EBF1: variants seen among roughly 807,000 people sequenced by gnomAD.
The protein encoded by EBF1 is EBF transcription factor 1, also known as transcription factor COE1.
EBF1 carries 10 observed loss-of-function variants against 68.4 expected under a neutral mutation model. The observed-to-expected ratio is 0.15, with a 90% confidence interval of 0.09 to 0.25. EBF1 has a LOEUF of 0.25. EBF1 is among the 10% of genes least tolerant of loss of function. The pLI, the probability that EBF1 is intolerant of heterozygous loss-of-function variation, is 1.00. For missense variants in EBF1, 509 were observed against 794.4 expected (o/e 0.64, Z 4.32); for synonymous variants, 298 against 299.8 (o/e 0.99, Z 0.06).
chr5:158,705,536 A>T (rs1183669085), intron 15 of EBF1, among the ~76,000 whole-genome samples: 1 of 152,190 alleles, frequency 6.6e-6, no homozygotes, highest in Non-Finnish European at 1.5e-5. Flanking sequence ...TACTTTTGGG[A>T]TCTGTAATTG....
chr5:158,837,407 CT>C (rs200123502), intron 7 of EBF1, among the ~76,000 whole-genome samples: 3,247 of 152,304 alleles, frequency 0.021, 120 homozygotes, highest in African/African-American at 0.075. Flanking sequence ...TATTTTATCA[CT>C]TACAAATTAG....
chr5:158,776,141 T>G (rs1477568277), intron 10 of EBF1, among the ~76,000 whole-genome samples: 1 of 152,178 alleles, frequency 6.6e-6, no homozygotes, highest in Non-Finnish European at 1.5e-5. Flanking sequence ...GTAATTTTCC[T>G]TAATTTGTAA....
At position 159,010,244 on chromosome 5, in the gene EBF1, A is replaced by G. The variant is rs371926771; in HGVS notation, c.554+63152T>C. ...GAGATGAGTAGGAGGGTGGACAGAC[A>G]CAGACAGAGGAATGTAGTTTGCAGA... On this transcript the variant is annotated intron_variant, in intron 6 of 15. Transcript: ENST00000313708. 7.9e-5 allele frequency among the ~76,000 whole-genome samples: 12 copies of G among 152,364 alleles called. No individual in the cohort carries two copies. The East Asian group carries it at 1.2e-3, about 15-fold the overall frequency.
intron 6 of EBF1, among the ~76,000 whole-genome samples, chr5:158,858,838 A>G (rs1251253015): frequency 6.6e-6 from 1 of 152,162 alleles, no homozygotes; most frequent in Admixed American, 6.5e-5. Flanking sequence ...GTGTGGAAGT[A>G]GTTGGTTCAC....
intron 6 of EBF1, among the ~76,000 whole-genome samples, chr5:158,905,667 A>G (rs1804427800): frequency 6.6e-6 from 1 of 152,206 alleles, no homozygotes; most frequent in Non-Finnish European, 1.5e-5. Flanking sequence ...CACAGGAGCA[A>G]CATTTGTCTT....
chr5:159,047,963 C>A (rs555931341), intron 6 of EBF1, among the ~76,000 whole-genome samples: 1 of 152,264 alleles, frequency 6.6e-6, no homozygotes, highest in African/African-American at 2.4e-5. Context: ...AGAAGAAAAA[C>A]CTCCAATCAT....
At chr5:158,954,245 A>C (rs974355290) in intron 6 of EBF1, among the ~76,000 whole-genome samples, 1 of 151,658 alleles carries the variant, frequency 6.6e-6, no homozygotes, top group African/African-American at 2.4e-5. Flanking sequence ...CCGCGAAGCT[A>C]AAGAGTCACT....
chr5:158,976,002 C>T (rs1291713722), intron 6 of EBF1, among the ~76,000 whole-genome samples: 1 of 152,154 alleles, frequency 6.6e-6, no homozygotes, highest in African/African-American at 2.4e-5. Context: ...CTGAAATAAC[C>T]TGCCTCCCAG....
intron 6 of EBF1, among the ~76,000 whole-genome samples, chr5:158,957,519 T>C (rs2127524391): frequency 6.6e-6 from 1 of 152,296 alleles, no homozygotes; most frequent in Admixed American, 6.5e-5. Context: ...ATATTAGAAC[T>C]CTCTGAACAT....
intron 10 of EBF1, among the ~76,000 whole-genome samples, chr5:158,769,320 T>C (rs1773420618): frequency 6.6e-6 from 1 of 152,162 alleles, no homozygotes; most frequent in South Asian, 2.1e-4. Flanking sequence ...TTATCACTTA[T>C]TAACTCTGGG....
intron 4 of EBF1, among the ~76,000 whole-genome samples, chr5:159,091,535 T>C (rs1393076998): frequency 6.6e-6 from 1 of 152,192 alleles, no homozygotes; most frequent in Non-Finnish European, 1.5e-5. Context: ...TCCCCAAATA[T>C]ATGAAAGAAA....
chr5:158,844,116 G>A (rs1206994794), intron 6 of EBF1, among the ~76,000 whole-genome samples: 1 of 150,998 alleles, frequency 6.6e-6, no homozygotes, highest in Non-Finnish European at 1.5e-5. Flanking sequence ...TATTGACCCT[G>A]TAGAGTTCCA....
In EBF1 at chr5:159,096,353, G is replaced by C; in HGVS notation, c.345C>G (p.Leu115=). ...NNGIHYRLQL[L]YSNGIRTEQD... ...CGACCCGGGCCTCACCATTGCTGTA[G>C]AGAAGCTGAAGCCGGTAGTGAATTC... Residue 115 remains leucine (L), a synonymous_variant, in exon 3 of 16, where the codon CTC becomes CTG. Coordinates refer to ENST00000313708, the MANE Select transcript of EBF1 (RefSeq NM_024007.5). 6.2e-7 allele frequency: 1 copy of C among 1,613,610 alleles called. No homozygotes were observed. The highest frequency in any genetic ancestry group is 8.5e-7 in the Non-Finnish European group (1 of 1,179,828).
At chr5:158,875,402 C>T (rs2128073426) in intron 6 of EBF1, among the ~76,000 whole-genome samples, 1 of 152,286 alleles carries the variant, frequency 6.6e-6, no homozygotes, top group Admixed American at 6.5e-5. Flanking sequence ...AAACCAGTGT[C>T]ACTTCATGAC....
chr5:158,708,272 C>T lies in EBF1; in HGVS notation c.1550-99G>A, dbSNP rs567602160. 7.4e-4 allele frequency: 926 copies of T among 1,244,132 alleles called. 4 individuals carry two copies. In the African/African-American group the frequency reaches 0.013, roughly 17 times the overall value. 77.1% of individuals were successfully genotyped at this position (1,244,132 alleles called of 1,614,324 possible). A position where few individuals can be genotyped will look rare whatever the true frequency, so the allele number is the denominator to read the frequency against. On this transcript the variant is annotated intron_variant, in intron 14 of 15. Transcript: ENST00000313708. ...CCTCACCCAGCCACCTTGCTCTGCC[C>T]TGCTCAGACGATGCTTCCAGCACAA...
In EBF1 at chr5:158,697,849, A is replaced by C. The variant is rs1219053955; in HGVS notation, c.*1262T>G. On this transcript the variant is annotated 3_prime_UTR_variant, in exon 16 of 16. Transcript: ENST00000313708. ...AAATGCATCCTCAGAGCTTTGCTGC[A>C]TCTTTGCTATTAATTCTTATTTTTA... 7 of 208,642 alleles carry C rather than the reference A, an allele frequency of 3.4e-5. No individual in the cohort carries two copies. The highest frequency in any genetic ancestry group is 4.9e-5 in the Non-Finnish European group (5 of 102,510). 12.9% of individuals were successfully genotyped at this position (208,642 alleles called of 1,614,324 possible).
chr5:158,974,395 C>CA lies in EBF1; in HGVS notation c.554+99000dup, dbSNP rs1756290704. 2.0e-5 allele frequency among the ~76,000 whole-genome samples: 3 copies of CA among 152,172 alleles called. No individual in the cohort carries two copies. The South Asian group carries it at 6.2e-4, about 32-fold the overall frequency. ...CTCAGTTGCCACTTGAGAGGCATTG[C>CA]AAAAATCCTCAACTCTGAACTGTCT... On this transcript the variant is annotated intron_variant, in intron 6 of 15. Coordinates refer to ENST00000313708, the MANE Select transcript of EBF1 (RefSeq NM_024007.5).
intron 8 of EBF1, among the ~76,000 whole-genome samples, chr5:158,804,655 T>C (rs952912481): frequency 3.3e-5 from 5 of 152,274 alleles, no homozygotes; most frequent in Non-Finnish European, 7.4e-5. Flanking sequence ...ACACACAACA[T>C]AGCATTGTTT....
chr5:158,797,899 G>A (rs775554222), intron 8 of EBF1, among the ~76,000 whole-genome samples: 6 of 152,170 alleles, frequency 3.9e-5, no homozygotes, highest in African/African-American at 9.6e-5. Flanking sequence ...TAAATGATTC[G>A]TGACTTGACA....
Sources: allele counts gnomAD v4.1 joint callset (sites outside exome capture counted in the v4.1 genomes callset), GRCh38; gene constraint gnomAD v4.1.1; transcripts MANE v1.5; gene names NCBI Gene and HGNC (gene_info 2026-07-23, HGNC 2026-07-21).